Variants in MTCL1 observed in about 807,000 individuals in gnomAD.
MTCL1 encodes the protein microtubule crosslinking factor 1.
In MTCL1, 79 loss-of-function variants were observed where a neutral mutation model predicts 141.4. That is an observed-to-expected ratio of 0.56 (90% CI 0.47 to 0.67). MTCL1 has a LOEUF of 0.67. Ranked by LOEUF, MTCL1 falls within the 30% of genes least tolerant of loss-of-function variation. The pLI, the probability that MTCL1 is intolerant of heterozygous loss-of-function variation, is 0.00. For missense variants in MTCL1, 2,177 were observed against 2,113.9 expected (o/e 1.03, Z -0.59); for synonymous variants, 914 against 875.8 (o/e 1.04, Z -0.77).
At position 8,710,610 on chromosome 18, in the gene MTCL1, GT is replaced by G. The variant is rs1419648201; in HGVS notation, c.1053+3908del. Among the ~76,000 whole-genome samples the G allele has an allele frequency of 8.3e-4, 121 of 145,736 alleles. 2 individuals carry two copies. The highest frequency in any genetic ancestry group is 2.3e-3 in the African/African-American group (90 of 39,878). ...ACACTTTAATAATTTAAAGTGATGAGTTTTTTTTTTTCACAAAAGTTTAAGG... is the reference window on the plus strand; with the variant it reads ...ACACTTTAATAATTTAAAGTGATGAGTTTTTTTTTTCACAAAAGTTTAAGG... On this transcript the variant is annotated intron_variant, in intron 1 of 13. Transcript: ENST00000306329.
rs910200690 is a variant in MTCL1 at position 8,810,939 on chromosome 18, A to G, written c.2605-2040A>G. On this transcript the variant is annotated intron_variant, in intron 11 of 16. Transcript: ENST00000359865. The surrounding 1 kb of genome is among the most constrained non-coding windows in gnomAD (Gnocchi z 5.0). The stretch of plus-strand genomic sequence containing the variant: ...CAAAACAGTGTGCTCTCCCCGCTTA[A>G]TGAAGCATTTGCCTTTATTACAGAG... Among the ~76,000 whole-genome samples the G allele has an allele frequency of 6.6e-6, 1 of 152,250 alleles. No homozygotes were observed. Among genetic ancestry groups the G allele is most frequent in the Admixed American group, 6.5e-5 (1 of 15,284 alleles).
chr18:8,706,705 T>C, exon 1 of MTCL1: 1 of 1,545,602 alleles, frequency 6.5e-7, no homozygotes, highest in East Asian at 2.5e-5. Flanking sequence ...GGAGAACGAC[T>C]ATCTCAAGGT....
chr18:8,708,634 C>T (rs1480030973), intron 1 of MTCL1, among the ~76,000 whole-genome samples: 1 of 152,212 alleles, frequency 6.6e-6, no homozygotes, highest in Non-Finnish European at 1.5e-5. Flanking sequence ...TTCCTCCGAG[C>T]ACACTGCTTC....
chr18:8,823,107 A>G (rs930024986), intron 14 of MTCL1, among the ~76,000 whole-genome samples: 1 of 151,808 alleles, frequency 6.6e-6, no homozygotes. Flanking sequence ...CACTGTCCCC[A>G]TGTCCTCTGA....
At chr18:8,804,986 CAA>C (rs11347124) in intron 10 of MTCL1, among the ~76,000 whole-genome samples, 40,805 of 115,946 alleles carry the variant, frequency 0.35, 6,222 homozygotes, top group South Asian at 0.48. Flanking sequence ...GACCTTGCCT[CAA>C]AAAAAAAAAA....
rs114471876 is a variant in MTCL1, at chr18:8,820,879, G to A, written c.3157-588G>A. 5.7e-3 allele frequency among the ~76,000 whole-genome samples: 875 copies of A among 152,296 alleles called. 10 individuals are homozygous for A. The highest frequency in any genetic ancestry group is 0.02 in the African/African-American group (839 of 41,548). On this transcript the variant is annotated intron_variant, in intron 13 of 16. Transcript: ENST00000359865. Reference sequence around the variant, plus strand: ...GAGTGTTTTCTCAGCAGACAACCTCGTGTTTATGCCGTTCTCTACAAACAC... The same window carrying A: ...GAGTGTTTTCTCAGCAGACAACCTCATGTTTATGCCGTTCTCTACAAACAC...
At chr18:8,829,339 G>A in intron 16 of MTCL1, 1 of 985,402 alleles carries the variant, frequency 1.0e-6, no homozygotes, top group Non-Finnish European at 1.2e-6. Flanking sequence ...CCCAGGACTG[G>A]TCAACATTTT....
chr18:8,749,251 G>A (rs891475988), intron 4 of MTCL1, among the ~76,000 whole-genome samples: 8 of 152,336 alleles, frequency 5.3e-5, no homozygotes, highest in Non-Finnish European at 7.3e-5. Context: ...TGCAGTTGCC[G>A]CTGCCTCAGG....
chr18:8,799,854 T>C (rs920858469), intron 10 of MTCL1, among the ~76,000 whole-genome samples: 3 of 152,238 alleles, frequency 2.0e-5, no homozygotes, highest in African/African-American at 7.2e-5. Context: ...GCTGGAACCT[T>C]ACATTCAGCA....
At chr18:8,825,755 C>A (rs1394847639) in exon 15 of MTCL1, 2 of 1,614,004 alleles carry the variant, frequency 1.2e-6, no homozygotes, top group African/African-American at 1.3e-5. Flanking sequence ...CAGGGATGGC[C>A]CAGAAAGGGT....
intron 11 of MTCL1, chr18:8,809,656 C>T (rs1331362685): frequency 1.7e-5 from 25 of 1,499,918 alleles, no homozygotes; most frequent in Non-Finnish European, 2.0e-5. Flanking sequence ...AGTGGCCGGG[C>T]CTGGTGGCCG....
intron 7 of MTCL1, chr18:8,786,315 A>G: frequency 2.9e-6 from 2 of 700,404 alleles, no homozygotes; most frequent in Non-Finnish European, 5.2e-6. Context: ...ACAGAGGGAC[A>G]GCTCACTGTA....
At chr18:8,764,572 C>T (rs1946835920) in intron 4 of MTCL1, among the ~76,000 whole-genome samples, 1 of 152,168 alleles carries the variant, frequency 6.6e-6, no homozygotes, top group South Asian at 2.1e-4. Flanking sequence ...CCTGCCTCGG[C>T]CTCTCAAAGT....
At chr18:8,784,991 C>T (rs1365476122) in intron 6 of MTCL1, 148 bp downstream of exon 5, 2 of 548,452 alleles carry the variant, frequency 3.6e-6, no homozygotes, top group Non-Finnish European at 5.7e-6. Flanking sequence ...GCAACCGGAT[C>T]CTCTCTCTTG....
At chr18:8,785,348 C>T (rs941463470) in intron 6 of MTCL1, among the ~76,000 whole-genome samples, 7 of 152,226 alleles carry the variant, frequency 4.6e-5, no homozygotes, top group African/African-American at 1.2e-4. Context: ...GCCCAGGCCC[C>T]CACTCCCACT....
intron 5 of MTCL1, among the ~76,000 whole-genome samples, chr18:8,778,524 CAATGAGTCGGGGT>C (rs2096520840): frequency 6.6e-6 from 1 of 152,210 alleles, no homozygotes; most frequent in Admixed American, 6.5e-5. Context: ...TAGAGAGACA[CAATGAGTCGGGGT>C]AACTAAGAGC....
At chr18:8,805,500 A>G (rs2076269385) in intron 10 of MTCL1, among the ~76,000 whole-genome samples, 2 of 152,202 alleles carry the variant, frequency 1.3e-5, no homozygotes, top group South Asian at 2.1e-4. Context: ...AGTATCTTAA[A>G]TTCCTCCCAT....
chr18:8,744,226 G>GGGCC (rs2096322391), intron 4 of MTCL1, among the ~76,000 whole-genome samples: 1 of 152,232 alleles, frequency 6.6e-6, no homozygotes, highest in Non-Finnish European at 1.5e-5. Flanking sequence ...CTAGGTGCAT[G>GGGCC]CGGTTAGCTG....
intron 10 of MTCL1, among the ~76,000 whole-genome samples, chr18:8,798,991 C>T (rs963340580): frequency 2.0e-5 from 3 of 152,214 alleles, no homozygotes; most frequent in African/African-American, 7.2e-5. Context: ...TCTAACCCAA[C>T]TTTATTATGT....
Sources: allele counts gnomAD v4.1 joint callset (sites outside exome capture counted in the v4.1 genomes callset), GRCh38; gene constraint gnomAD v4.1.1; non-coding constraint Gnocchi (gnomAD v3.1); transcripts MANE v1.5; gene names NCBI Gene and HGNC (gene_info 2026-07-23, HGNC 2026-07-21).